BMPR1B: variants seen among roughly 807,000 people sequenced by gnomAD.
BMPR1B encodes the protein bone morphogenetic protein receptor type 1B, also known as bone morphogenetic protein receptor type-1B.
BMPR1B carries 12 observed loss-of-function variants against 59.1 expected under a neutral mutation model. That is an observed-to-expected ratio of 0.20 (90% CI 0.13 to 0.33). BMPR1B has a LOEUF of 0.33. Among genes scored for constraint, BMPR1B ranks in the 10% least tolerant of loss-of-function variants. The pLI is 1.00. For synonymous variants in BMPR1B, 237 were observed against 207.3 expected (o/e 1.14, Z -1.23); for missense variants, 550 against 610.9 (o/e 0.90, Z 1.05).
chr4:95,075,354 A>G (rs1283110563), intron 3 of BMPR1B, among the ~76,000 whole-genome samples: 2 of 152,190 alleles, frequency 1.3e-5, no homozygotes, highest in Non-Finnish European at 2.9e-5. Context: ...ATTTTTAGGC[A>G]GTTAATAGTG....
intron 2 of BMPR1B, among the ~76,000 whole-genome samples, chr4:94,881,505 A>T (rs1173116327): frequency 6.6e-6 from 1 of 151,336 alleles, no homozygotes; most frequent in Admixed American, 6.6e-5. Context: ...CCACTCTGTC[A>T]CCCAGGCTGG....
At chr4:95,053,986 G>A (rs12506920) in intron 3 of BMPR1B, among the ~76,000 whole-genome samples, 3 of 152,004 alleles carry the variant, frequency 2.0e-5, no homozygotes, top group African/African-American at 7.2e-5. Flanking sequence ...TCACAGAAAA[G>A]GAAAATACGA....
chr4:94,791,002 T>G (rs1722965613), intron 1 of BMPR1B, among the ~76,000 whole-genome samples: 1 of 152,094 alleles, frequency 6.6e-6, no homozygotes, highest in Admixed American at 6.6e-5. Flanking sequence ...TTGTTTGTTT[T>G]TCTGAGATGG....
At chr4:94,781,037 T>C (rs1354584724) in intron 1 of BMPR1B, among the ~76,000 whole-genome samples, 1 of 152,138 alleles carries the variant, frequency 6.6e-6, no homozygotes, top group Non-Finnish European at 1.5e-5. Context: ...TGAAGTACTG[T>C]GTCATTGTGG....
chr4:95,032,477 C>G (rs897959973), intron 3 of BMPR1B, among the ~76,000 whole-genome samples: 1 of 152,136 alleles, frequency 6.6e-6, no homozygotes, highest in African/African-American at 2.4e-5. Context: ...TGAAGGGACA[C>G]AAACATTCAG....
At chr4:94,789,274 C>A (rs150088062) in intron 1 of BMPR1B, among the ~76,000 whole-genome samples, 7 of 152,202 alleles carry the variant, frequency 4.6e-5, no homozygotes, top group African/African-American at 2.4e-5. Context: ...TTGCTTTAAA[C>A]GCTGAACGAC....
chr4:95,024,136 A>G (rs1382891951), intron 3 of BMPR1B, among the ~76,000 whole-genome samples: 3 of 152,226 alleles, frequency 2.0e-5, no homozygotes, highest in Admixed American at 2.0e-4. Flanking sequence ...CCATGAGGCC[A>G]AAACTCTTAG....
At chr4:94,911,886 C>T (rs1027724072) in intron 2 of BMPR1B, among the ~76,000 whole-genome samples, 2 of 152,046 alleles carry the variant, frequency 1.3e-5, no homozygotes, top group Non-Finnish European at 2.9e-5. Context: ...AGATATATCT[C>T]CACATATAAG....
intron 1 of BMPR1B, among the ~76,000 whole-genome samples, chr4:94,853,093 A>G (rs1272866876): frequency 6.6e-6 from 1 of 152,156 alleles, no homozygotes; most frequent in African/African-American, 2.4e-5. Context: ...CCAGATTGGT[A>G]TCACTGATTA....
intron 2 of BMPR1B, among the ~76,000 whole-genome samples, chr4:94,901,442 G>C (rs1194181875): frequency 2.0e-5 from 3 of 151,924 alleles, no homozygotes; most frequent in African/African-American, 7.2e-5. Flanking sequence ...TTCAGATCTT[G>C]AGAGGGCCCG....
chr4:95,045,928 G>A (rs2149179715), intron 3 of BMPR1B, among the ~76,000 whole-genome samples: 1 of 152,240 alleles, frequency 6.6e-6, no homozygotes, highest in South Asian at 2.1e-4. Context: ...GAGTTTCTGT[G>A]TGAAAATGAA....
chr4:95,001,294 G>A (rs1303132430), intron 3 of BMPR1B, among the ~76,000 whole-genome samples: 4 of 151,742 alleles, frequency 2.6e-5, no homozygotes, highest in Admixed American at 1.3e-4. Context: ...TTAATTTTTT[G>A]TGTCTCTGTG....
At chr4:94,943,406 G>T (rs913863787) in intron 2 of BMPR1B, among the ~76,000 whole-genome samples, 2 of 152,122 alleles carry the variant, frequency 1.3e-5, no homozygotes, top group South Asian at 4.1e-4. Flanking sequence ...TTACAGGCGT[G>T]AGCCACCGTG....
chr4:94,776,109 AAAG>A (rs1722360449), intron 1 of BMPR1B, among the ~76,000 whole-genome samples: 2 of 151,636 alleles, frequency 1.3e-5, no homozygotes, highest in Admixed American at 6.6e-5. Context: ...AAAAAAAAAA[AAAG>A]AAATTAATAG....
chr4:95,116,560 A>T, intron 6 of BMPR1B, among the ~76,000 whole-genome samples: 1 of 151,820 alleles, frequency 6.6e-6, no homozygotes, highest in African/African-American at 2.4e-5. Flanking sequence ...GAAGAGAAAA[A>T]TCTTTCCAAC....
At chr4:94,939,542 A>AAGCACTTGCTT (rs1172054013) in intron 2 of BMPR1B, among the ~76,000 whole-genome samples, 40 of 152,158 alleles carry the variant, frequency 2.6e-4, no homozygotes, top group Non-Finnish European at 5.0e-4. Context: ...TGATTTTGTC[A>AAGCACTTGCTT]GGTTTGTAAA....
chr4:94,871,527 C>T (rs991457013), intron 1 of BMPR1B, among the ~76,000 whole-genome samples: 1 of 152,082 alleles, frequency 6.6e-6, no homozygotes, highest in African/African-American at 2.4e-5. Context: ...TATATCCCCT[C>T]CCCCCACATA....
chr4:95,130,011 A>C lies in BMPR1B; in HGVS notation c.735A>C (p.Thr245=), dbSNP rs757204543. ...AGGAAGCCAGCTGGTTCAGAGAGAC[A>C]GAAATATATCAGACAGTGTTGATGA... ...TTEEASWFRE[T]EIYQTVLMRH... Residue 245 remains threonine (T), a synonymous_variant, in exon 9 of 13, where the codon ACA becomes ACC. Transcript: ENST00000515059. 1 of 1,613,882 alleles carries C rather than the reference A, an allele frequency of 6.2e-7. No homozygotes were observed. Among genetic ancestry groups the C allele is most frequent in the African/African-American group, 1.3e-5 (1 of 74,926 alleles).
In BMPR1B at chr4:94,913,367, A is replaced by G. The variant is rs373959362; in HGVS notation, c.-113+37467A>G. On this transcript the variant is annotated intron_variant, in intron 2 of 12. Transcript: ENST00000515059. The stretch of plus-strand genomic sequence containing the variant: ...TGGAAAGAGATTAAGAATTTCTGCC[A>G]CCACTGATAGTTTTTTGATTTTGAA... Among the ~76,000 whole-genome samples the G allele has an allele frequency of 1.9e-4, 29 of 152,298 alleles. No individual in the cohort carries two copies. In the South Asian group the frequency reaches 4.4e-3, roughly 23 times the overall value.
Sources: gnomAD v4.1 joint callset for allele counts (sites outside exome capture counted in the v4.1 genomes callset) on GRCh38, gnomAD v4.1.1 for gene constraint, MANE v1.5 for transcripts, NCBI Gene and HGNC (gene_info 2026-07-23, HGNC 2026-07-21) for gene names.